The following SAMD12 variants were observed in gnomAD, a reference collection of about 807,000 sequenced individuals.
The protein encoded by SAMD12 is sterile alpha motif domain-containing protein 12.
A neutral mutation model predicts 15.0 loss-of-function variants in SAMD12; 9 were observed. That is an observed-to-expected ratio of 0.60 (90% CI 0.36 to 1.05). The LOEUF (loss-of-function observed/expected upper bound fraction) is 1.05, where lower values mean the gene tolerates loss of function less well. Among genes scored for constraint, SAMD12 ranks in the 50% least tolerant of loss-of-function variants. SAMD12 has a pLI of 0.01. For synonymous variants in SAMD12, 86 were observed against 90.1 expected, an observed-to-expected ratio of 0.96 and a Z score of 0.25; for missense variants, 230 against 234.2, an observed-to-expected ratio of 0.98 and a Z score of 0.12.
chr8:118,534,134 C>G (rs995507326), intron 2 of SAMD12, among the ~76,000 whole-genome samples: 6 of 152,108 alleles, frequency 3.9e-5, no homozygotes, highest in African/African-American at 1.4e-4. Context: ...TTAGGGCAGG[C>G]CTGGTGGTGA....
chr8:118,445,098 C>T (rs1204750009), intron 2 of SAMD12, among the ~76,000 whole-genome samples: 3 of 152,070 alleles, frequency 2.0e-5, no homozygotes, highest in Admixed American at 6.5e-5. Flanking sequence ...GTTCCCAGTC[C>T]TCTCTTTTAT....
chr8:118,590,301 G>A (rs1827554125), intron 1 of SAMD12, among the ~76,000 whole-genome samples: 1 of 152,160 alleles, frequency 6.6e-6, no homozygotes, highest in Non-Finnish European at 1.5e-5. Context: ...CCCTCACCAG[G>A]CTGCACTTAG....
chr8:118,605,234 G>C (rs776758485), intron 1 of SAMD12, among the ~76,000 whole-genome samples: 1 of 152,178 alleles, frequency 6.6e-6, no homozygotes, highest in Non-Finnish European at 1.5e-5. Flanking sequence ...ACAGTAATTT[G>C]TTGCTTTCTC....
At chr8:118,354,099 G>A (rs1325442419) in intron 4 of SAMD12, among the ~76,000 whole-genome samples, 1 of 152,194 alleles carries the variant, frequency 6.6e-6, no homozygotes, top group Non-Finnish European at 1.5e-5. Flanking sequence ...TTTAACCTCT[G>A]CTAAGTAATG....
chr8:118,329,369 T>G (rs1816710169), intron 4 of SAMD12, among the ~76,000 whole-genome samples: 1 of 152,158 alleles, frequency 6.6e-6, no homozygotes, highest in African/African-American at 2.4e-5. Context: ...TTATTATGAT[T>G]AAAATTATTA....
intron 2 of SAMD12, among the ~76,000 whole-genome samples, chr8:118,483,872 G>A (rs2515015): frequency 0.92 from 140,501 of 152,216 alleles, 64,947 homozygotes; most frequent in Admixed American, 0.95. Flanking sequence ...CCTGCAGAAG[G>A]TCACCCAGAT....
At chr8:118,249,271 A>G (rs1381364483) in intron 4 of SAMD12, among the ~76,000 whole-genome samples, 5 of 152,168 alleles carry the variant, frequency 3.3e-5, no homozygotes, top group African/African-American at 9.6e-5. Flanking sequence ...GTACTCTTCC[A>G]TTACTGCTCA....
downstream of SAMD12, among the ~76,000 whole-genome samples, chr8:118,185,037 G>A (rs1819219998): frequency 6.6e-6 from 1 of 151,660 alleles, no homozygotes; most frequent in South Asian, 2.1e-4. Context: ...GTTACCAACT[G>A]TGGACCTATG....
chr8:118,332,200 A>C (rs1196008951), intron 4 of SAMD12, among the ~76,000 whole-genome samples: 2 of 152,252 alleles, frequency 1.3e-5, no homozygotes, highest in African/African-American at 2.4e-5. Flanking sequence ...CTGAAAGTGT[A>C]TAACACCAAA....
chr8:118,359,649 T>C (rs974970619), intron 4 of SAMD12, among the ~76,000 whole-genome samples: 1 of 152,198 alleles, frequency 6.6e-6, no homozygotes, highest in African/African-American at 2.4e-5. Context: ...ACTGTGTGAC[T>C]TGGGTTCAAA....
intron 1 of SAMD12, among the ~76,000 whole-genome samples, chr8:118,609,253 A>T (rs534233718): frequency 3.9e-5 from 6 of 152,234 alleles, no homozygotes; most frequent in Non-Finnish European, 8.8e-5. Context: ...TCTGGCCACC[A>T]TGCAGTTCAA....
intron 4 of SAMD12, among the ~76,000 whole-genome samples, chr8:118,231,311 C>T (rs1209000199): frequency 1.3e-5 from 2 of 152,068 alleles, no homozygotes; most frequent in African/African-American, 4.8e-5. Flanking sequence ...TGATGCACTT[C>T]CTAGGAAGGG....
chr8:118,212,968 AAC>A (rs1811870967), intron 4 of SAMD12, among the ~76,000 whole-genome samples: 1 of 152,226 alleles, frequency 6.6e-6, no homozygotes, highest in Non-Finnish European at 1.5e-5. Flanking sequence ...GTAGATACCT[AAC>A]AAACCTCAAA....
chr8:118,309,590 T>C (rs574386256), intron 4 of SAMD12, among the ~76,000 whole-genome samples: 1 of 152,182 alleles, frequency 6.6e-6, no homozygotes, highest in Non-Finnish European at 1.5e-5. Flanking sequence ...AAATGGTAGA[T>C]CTGCTTTTAG....
Position 118,573,188 on chromosome 8 carries a change from G to A in SAMD12, c.192+7527C>T, listed in dbSNP as rs535478625. ...CAACCTCCACCTCCTGGGTTCAAGCGATTCTCCTGCCTCAGCTTCCTGAGT... is the reference window on the plus strand; with the variant it reads ...CAACCTCCACCTCCTGGGTTCAAGCAATTCTCCTGCCTCAGCTTCCTGAGT... On this transcript the variant is annotated intron_variant, in intron 2 of 3. Coordinates refer to ENST00000314727, the MANE Select transcript of SAMD12 (RefSeq NM_207506.3). Among the ~76,000 whole-genome samples, 6 of 152,218 alleles carry A rather than the reference G, an allele frequency of 3.9e-5. No individual in the cohort carries two copies. The East Asian group carries it at 5.8e-4, about 15-fold the overall frequency.
At chr8:118,373,199 G>T (rs1819196951), downstream of SAMD12, among the ~76,000 whole-genome samples, 1 of 152,114 alleles carries the variant, frequency 6.6e-6, no homozygotes, top group Non-Finnish European at 1.5e-5. Context: ...AAGAATACTG[G>T]CATGGGAATG....
chr8:118,219,080 C>A (rs1301080373), intron 4 of SAMD12, among the ~76,000 whole-genome samples: 1 of 152,202 alleles, frequency 6.6e-6, no homozygotes, highest in Non-Finnish European at 1.5e-5. Flanking sequence ...TCCGCTGCCC[C>A]CAACATCCTT....
At chr8:118,413,741 C>A (rs969234476) in intron 3 of SAMD12, among the ~76,000 whole-genome samples, 1 of 151,948 alleles carries the variant, frequency 6.6e-6, no homozygotes, top group East Asian at 1.9e-4. Flanking sequence ...GTTTAAAGCA[C>A]GTAATAGGTG....
At position 118,255,767 on chromosome 8, in the gene SAMD12, G is replaced by A. The variant is rs559619721; in HGVS notation, c.434-58035C>T. On this transcript the variant is annotated intron_variant, in intron 4 of 4. Transcript: ENST00000409003. ...TCCAGTCTATCATTGTTGGACATTT[G>A]GGTTGGTTCCAAGTCTTTGCTATTG... Among the ~76,000 whole-genome samples the A allele has an allele frequency of 4.2e-3, 642 of 151,944 alleles. 8 individuals are homozygous for A. The highest frequency in any genetic ancestry group is 0.015 in the African/African-American group (620 of 41,434).
Sources: allele counts gnomAD v4.1 joint callset (sites outside exome capture counted in the v4.1 genomes callset), GRCh38; gene constraint gnomAD v4.1.1; transcripts MANE v1.5; gene names NCBI Gene and HGNC (gene_info 2026-07-23, HGNC 2026-07-21).